Variants in MBD5 observed in about 807,000 individuals in gnomAD.
MBD5 encodes the protein methyl-CpG-binding domain protein 5.
MBD5 carries 13 observed loss-of-function variants against 117.3 expected under a neutral mutation model. That is an observed-to-expected ratio of 0.11 (90% confidence interval 0.07 to 0.18). The LOEUF (loss-of-function observed/expected upper bound fraction) is 0.18. Ranked by LOEUF, MBD5 falls within the 10% of genes least tolerant of loss-of-function variation. MBD5 has a pLI of 1.00. For synonymous variants in MBD5, 727 were observed against 766.4 expected, an observed-to-expected ratio of 0.95 and a Z score of 0.85; for missense variants, 1,879 against 2,093.8, an observed-to-expected ratio of 0.90 and a Z score of 2.00.
At position 148,429,496 on chromosome 2, in the gene MBD5, A is replaced by G. The variant is rs372322456; in HGVS notation, c.-556-28707A>G. On this transcript the variant is annotated intron_variant, in intron 4 of 13. Transcript: ENST00000642680. ...TTTCACCCAGCAATCCCATTACTGG[A>G]TATATACCTAAAGGATTATAAATCA... Among the ~76,000 whole-genome samples the G allele has an allele frequency of 4.5e-4, 68 of 152,210 alleles. 1 individual carries two copies. In the South Asian group the frequency reaches 0.014, roughly 32 times the overall value.
At chr2:148,140,779 C>G (rs1285850736) in intron 1 of MBD5, among the ~76,000 whole-genome samples, 2 of 149,580 alleles carry the variant, frequency 1.3e-5, no homozygotes, top group Non-Finnish European at 3.0e-5. Context: ...TTTTTTTTCC[C>G]GAAGATAGGG....
At chr2:148,048,402 A>T (rs1485516993) in intron 1 of MBD5, among the ~76,000 whole-genome samples, 3 of 152,126 alleles carry the variant, frequency 2.0e-5, no homozygotes, top group Non-Finnish European at 4.4e-5. Flanking sequence ...TCTGCCTTTG[A>T]AGAATTTATA....
chr2:148,475,020 T>C (rs1238973070), intron 8 of MBD5, among the ~76,000 whole-genome samples: 1 of 152,156 alleles, frequency 6.6e-6, no homozygotes, highest in Non-Finnish European at 1.5e-5. Context: ...GATTATACTA[T>C]AAAGTATCCT....
intron 1 of MBD5, among the ~76,000 whole-genome samples, chr2:148,068,907 G>C (rs1314660251): frequency 1.3e-5 from 2 of 152,046 alleles, no homozygotes; most frequent in East Asian, 1.9e-4. Context: ...TTCAGTCCTT[G>C]ATTATAATTT....
chr2:148,481,713 C>G (rs1681159604), intron 8 of MBD5: 1 of 151,886 alleles, frequency 6.6e-6, no homozygotes, highest in African/African-American at 2.4e-5. Flanking sequence ...TCTGGATCAC[C>G]AGGGGTGATT....
intron 4 of MBD5, among the ~76,000 whole-genome samples, chr2:148,432,160 C>T (rs1413101049): frequency 6.6e-6 from 1 of 152,050 alleles, no homozygotes; most frequent in African/African-American, 2.4e-5. Context: ...TTGTTGGCTG[C>T]ATATATGTCT....
intron 4 of MBD5, among the ~76,000 whole-genome samples, chr2:148,353,347 T>A (rs562287659): frequency 6.6e-6 from 1 of 152,278 alleles, no homozygotes. Flanking sequence ...TTAAAATAAA[T>A]GGTCCTTTGG....
chr2:148,340,201 T>C (rs1161170819), intron 3 of MBD5, among the ~76,000 whole-genome samples: 1 of 152,154 alleles, frequency 6.6e-6, no homozygotes, highest in African/African-American at 2.4e-5. Flanking sequence ...CCCAATACCT[T>C]CATGCCAGAA....
intron 4 of MBD5, among the ~76,000 whole-genome samples, chr2:148,406,248 A>G (rs1705074006): frequency 6.6e-6 from 1 of 152,206 alleles, no homozygotes; most frequent in African/African-American, 2.4e-5. Flanking sequence ...CTGGCTTTGA[A>G]TACTTTGAAA....
At chr2:148,259,899 G>C (rs1055091046) in intron 3 of MBD5, among the ~76,000 whole-genome samples, 1 of 152,124 alleles carries the variant, frequency 6.6e-6, no homozygotes, top group Non-Finnish European at 1.5e-5. Context: ...TAAATACCTT[G>C]ATTTAAAAAT....
chr2:148,159,666 C>T (rs1260019938), intron 1 of MBD5, among the ~76,000 whole-genome samples: 1 of 152,150 alleles, frequency 6.6e-6, no homozygotes, highest in Non-Finnish European at 1.5e-5. Context: ...TAAGACTCAA[C>T]CCCCAAGAGT....
intron 4 of MBD5, among the ~76,000 whole-genome samples, chr2:148,395,792 G>T (rs12464361): frequency 2.6e-5 from 4 of 151,970 alleles, no homozygotes; most frequent in African/African-American, 7.2e-5. Context: ...TAGTCAGTCA[G>T]CTATACTGAG....
chr2:148,321,659 A>G (rs950989392), intron 3 of MBD5, among the ~76,000 whole-genome samples: 1 of 152,214 alleles, frequency 6.6e-6, no homozygotes, highest in African/African-American at 2.4e-5. Context: ...AAATATTTTT[A>G]AAGCATCCCC....
At chr2:148,502,629 T>G (rs1205591534) in intron 12 of MBD5, 120 bp downstream of exon 12, 3 of 935,054 alleles carry the variant, frequency 3.2e-6, no homozygotes, top group African/African-American at 3.3e-5. Flanking sequence ...AAGTGAAGTT[T>G]GTTACCACCA....
At chr2:148,317,994 T>A (rs1702194084) in intron 3 of MBD5, among the ~76,000 whole-genome samples, 1 of 152,222 alleles carries the variant, frequency 6.6e-6, no homozygotes, top group Admixed American at 6.5e-5. Flanking sequence ...CTAGGTTGAA[T>A]TGTAGTTCTA....
intron 1 of MBD5, among the ~76,000 whole-genome samples, chr2:148,167,105 C>A (rs1458484847): frequency 6.6e-6 from 1 of 152,066 alleles, no homozygotes; most frequent in African/African-American, 2.4e-5. Context: ...TGCATATAAG[C>A]AGTTTATATG....
chr2:148,105,008 G>A (rs1696330794), intron 1 of MBD5, among the ~76,000 whole-genome samples: 1 of 151,984 alleles, frequency 6.6e-6, no homozygotes, highest in African/African-American at 2.4e-5. Flanking sequence ...TCTGTGGGTA[G>A]ATATTTACTG....
chr2:148,486,011 A>T, intron 10 of MBD5, 61 bp downstream of exon 10: 2 of 1,530,972 alleles, frequency 1.3e-6, no homozygotes, highest in Non-Finnish European at 1.8e-6. Flanking sequence ...TTAAATACTT[A>T]ATTTGGGGGA....
intron 1 of MBD5, among the ~76,000 whole-genome samples, chr2:148,102,763 A>AAG (rs1387993604): frequency 4.5e-4 from 16 of 35,602 alleles, no homozygotes; most frequent in African/African-American, 1.1e-3. Context: ...GAGAGAGAGG[A>AAG]AGAGAGAGAG....
Sources: gnomAD v4.1 joint callset for allele counts (sites outside exome capture counted in the v4.1 genomes callset) on GRCh38, gnomAD v4.1.1 for gene constraint, MANE v1.5 for transcripts, NCBI Gene and HGNC (gene_info 2026-07-23, HGNC 2026-07-21) for gene names.